Variants in DNAH12 observed in about 807,000 individuals in gnomAD.
DNAH12 encodes dynein axonemal heavy chain 12, also known as axonemal beta dynein heavy chain 12.
Under a neutral mutation model 371.5 loss-of-function variants are expected in DNAH12, and 285 were observed. The ratio of observed to expected loss-of-function variants is 0.77; its 90% CI spans 0.70 to 0.85. DNAH12 has a LOEUF of 0.85. Among genes scored for constraint, DNAH12 ranks in the 40% least tolerant of loss-of-function variants. The pLI, the probability that DNAH12 is intolerant of heterozygous loss-of-function variation, is 0.00. For missense variants in DNAH12, 3,611 were observed against 3,689.4 expected (o/e 0.98, Z 0.55); for synonymous variants, 1,200 against 1,213.0 (o/e 0.99, Z 0.22).
chr3:57,495,826 ATT>A (rs2067295368), intron 11 of DNAH12, among the ~76,000 whole-genome samples: 3 of 142,100 alleles, frequency 2.1e-5, no homozygotes, highest in Non-Finnish European at 4.6e-5. Flanking sequence ...ATATTTATAT[ATT>A]TATATATATT....
chr3:57,371,725 C>T (rs2063174757), intron 55 of DNAH12, among the ~76,000 whole-genome samples: 1 of 150,450 alleles, frequency 6.6e-6, no homozygotes. Flanking sequence ...ACACATCAAA[C>T]TGCTGAAAAC....
intron 55 of DNAH12, among the ~76,000 whole-genome samples, chr3:57,374,810 T>A (rs968340110): frequency 6.6e-6 from 1 of 152,150 alleles, no homozygotes; most frequent in Non-Finnish European, 1.5e-5. Context: ...TACATTATGA[T>A]TCCTTTATAT....
chr3:57,434,220 CAT>C (rs1357999528), intron 30 of DNAH12, among the ~76,000 whole-genome samples: 1 of 152,134 alleles, frequency 6.6e-6, no homozygotes, highest in Non-Finnish European at 1.5e-5. Context: ...CCTCCTGGCA[CAT>C]ATAGGATTTC....
At chr3:57,405,574 T>C in intron 41 of DNAH12, 79 bp downstream of exon 41, 8 of 1,396,548 alleles carry the variant, frequency 5.7e-6, no homozygotes, top group Non-Finnish European at 7.6e-6. Context: ...AAGAAATGAT[T>C]TTTAAAAATA....
intron 69 of DNAH12, among the ~76,000 whole-genome samples, chr3:57,307,240 C>G (rs1057323879): frequency 6.6e-6 from 1 of 152,062 alleles, no homozygotes; most frequent in Non-Finnish European, 1.5e-5. Context: ...CTTTAGATAC[C>G]TGGTTTTGCC....
At chr3:57,322,611 T>A in intron 64 of DNAH12, 128 bp from the exon 65 acceptor site, 1 of 1,133,514 alleles carries the variant, frequency 8.8e-7, no homozygotes, top group Non-Finnish European at 1.2e-6. Flanking sequence ...CTCTTAAGGT[T>A]AAGCATCTGA....
chr3:57,320,968 T>C (rs767135617), intron 65 of DNAH12, among the ~76,000 whole-genome samples: 6 of 152,232 alleles, frequency 3.9e-5, no homozygotes, highest in Non-Finnish European at 8.8e-5. Flanking sequence ...TAACTTCAGA[T>C]ATCCCAACAA....
At chr3:57,492,648 C>T (rs2067168442) in intron 11 of DNAH12, among the ~76,000 whole-genome samples, 1 of 151,846 alleles carries the variant, frequency 6.6e-6, no homozygotes, top group African/African-American at 2.4e-5. Context: ...ATAAACTATC[C>T]CAAAATTATT....
chr3:57,452,718 A>G, intron 25 of DNAH12, 125 bp downstream of exon 25: 1 of 903,732 alleles, frequency 1.1e-6, no homozygotes, highest in Non-Finnish European at 1.6e-6. Context: ...ATTTTGCATA[A>G]AGAGAATTCA....
At position 57,375,835 on chromosome 3, in the gene DNAH12, A is replaced by G. The variant is rs1034822277; in HGVS notation, c.8596T>C (p.Trp2866Arg). 2.6e-5 allele frequency: 4 copies of G among 152,158 alleles called. No homozygotes were observed. The highest frequency in any genetic ancestry group is 5.9e-5 in the Non-Finnish European group (4 of 68,002). The allele number at this position is 152,158 out of a possible 1,614,324, so 9.4% of individuals were successfully genotyped here. A position where few individuals can be genotyped will look rare whatever the true frequency, so the allele number is the denominator to read the frequency against. The change falls in exon 54 of 74, where the codon TGG becomes CGG. Residue 2866 changes from tryptophan to arginine, a missense_variant. This residue lies in a region of DNAH12 where 2,266 missense variants were observed against 2,236.9 expected (regional missense o/e 1.01). Transcript: ENST00000495027. Reference protein sequence around the residue: ...SGFRQTCTKDWSMLCKKKKIP... With the variant: ...SGFRQTCTKDRSMLCKKKKIP... ...ACCACTACCTTGCACAACATGCTCC[A>G]ATCTTTTGTACATGTTTGTCGAAAG...
chr3:57,323,280 A>T lies in DNAH12; in HGVS notation c.10130-20T>A. On this transcript the variant is annotated intron_variant, in intron 63 of 73. Transcript: ENST00000495027. ...GCAGGCCTATAAGAGGCACAAAAAA[A>T]TGGTCACACTACTTACTCTAAAATT... 1 of 1,547,248 alleles carries T rather than the reference A, an allele frequency of 6.5e-7. No homozygotes were observed. Among genetic ancestry groups the T allele is most frequent in the South Asian group, 1.2e-5 (1 of 83,688 alleles).
chr3:57,422,098 G>C (rs2064605074), intron 35 of DNAH12, among the ~76,000 whole-genome samples: 2 of 151,580 alleles, frequency 1.3e-5, no homozygotes, highest in Admixed American at 1.3e-4. Context: ...TTTTTAAGTA[G>C]AGACAGGGTT....
intron 62 of DNAH12, among the ~76,000 whole-genome samples, chr3:57,325,646 C>G (rs201956546): frequency 6.6e-6 from 1 of 152,152 alleles, no homozygotes; most frequent in African/African-American, 2.4e-5. Context: ...AAACTGGAAA[C>G]TCTAAAAAGC....
chr3:57,345,151 CA>C (rs1232587137), intron 60 of DNAH12, among the ~76,000 whole-genome samples: 2 of 151,980 alleles, frequency 1.3e-5, no homozygotes, highest in Admixed American at 1.3e-4. Context: ...CTGTATTTAC[CA>C]ATACTGTAAA....
At chr3:57,554,055 A>C in the DNAH12 span, among the ~76,000 whole-genome samples, 1 of 151,758 alleles carries the variant, frequency 6.6e-6, no homozygotes, top group Non-Finnish European at 1.5e-5. Context: ...AACCCCGTCT[A>C]ATTTTTGTAT....
chr3:57,399,035 G>T (rs1182882678), intron 43 of DNAH12, among the ~76,000 whole-genome samples: 2 of 152,144 alleles, frequency 1.3e-5, no homozygotes, highest in African/African-American at 4.8e-5. Flanking sequence ...AAAAAATGGG[G>T]GAGGGGTGGA....
chr3:57,536,705 T>A (rs1427237380), intron 2 of DNAH12, among the ~76,000 whole-genome samples: 1 of 152,224 alleles, frequency 6.6e-6, no homozygotes, highest in Admixed American at 6.5e-5. Context: ...TACTTTGGTA[T>A]GCACTAGTTG....
chr3:57,430,228 C>T, intron 32 of DNAH12, among the ~76,000 whole-genome samples: 1 of 152,198 alleles, frequency 6.6e-6, no homozygotes, highest in South Asian at 2.1e-4. Flanking sequence ...GCCATATTGC[C>T]ATTACCTTTT....
At chr3:57,390,892 C>G (rs1245815527) in intron 45 of DNAH12, among the ~76,000 whole-genome samples, 4 of 152,252 alleles carry the variant, frequency 2.6e-5, no homozygotes, top group African/African-American at 9.6e-5. Context: ...TGTGATATCT[C>G]TGGTATAAAA....
Sources: allele counts gnomAD v4.1 joint callset (sites outside exome capture counted in the v4.1 genomes callset), GRCh38; gene constraint gnomAD v4.1.1; regional missense constraint gnomAD v4.1.1; transcripts MANE v1.5; gene names NCBI Gene and HGNC (gene_info 2026-07-23, HGNC 2026-07-21).